Variants in NUDCD2 observed in about 807,000 individuals in gnomAD.
NUDCD2 encodes the protein NudC domain containing 2.
Under a neutral mutation model 20.8 loss-of-function variants are expected in NUDCD2, and 16 were observed. The ratio of observed to expected loss-of-function variants is 0.77; its 90% CI spans 0.52 to 1.17. The LOEUF is 1.17. Among genes scored for constraint, NUDCD2 ranks in the 50% most tolerant of loss-of-function variants. The pLI is 0.00. For synonymous variants in NUDCD2, 87 were observed against 72.8 expected (o/e 1.20, Z -1.00); for missense variants, 199 against 193.9 (o/e 1.03, Z -0.16).
At chr5:163,457,184 T>C (rs1758341412) in intron 2 of NUDCD2, 104 bp from the exon 3 acceptor site, 1 of 1,216,468 alleles carries the variant, frequency 8.2e-7, no homozygotes, top group Admixed American at 3.0e-5. Flanking sequence ...CAGGCTGGAG[T>C]GCAGCGGCTT....
rs573078196 is a variant in NUDCD2 at position 163,447,781 on chromosome 5, G to A, written c.*6186C>T. 1.3e-5 allele frequency: 2 copies of A among 152,112 alleles called. No individual in the cohort carries two copies. The highest frequency in any genetic ancestry group is 2.4e-5 in the African/African-American group (1 of 41,494). The allele number at this position is 152,112 out of a possible 1,614,324, so 9.4% of individuals were successfully genotyped here. A position where few individuals can be genotyped will look rare whatever the true frequency, so the allele number is the denominator to read the frequency against. Reference sequence around the variant, plus strand: ...TTTTTTGACCATAATCTAGAAATCAGTAACAGCAAGAAAATCTCCAAACAC... The same window carrying A: ...TTTTTTGACCATAATCTAGAAATCAATAACAGCAAGAAAATCTCCAAACAC... On this transcript the variant is annotated 3_prime_UTR_variant, in exon 4 of 4. Coordinates refer to ENST00000302764, the MANE Select transcript of NUDCD2 (RefSeq NM_145266.6).
chr5:163,448,523 T>C lies in NUDCD2; in HGVS notation c.*5444A>G, dbSNP rs1372994584. 2.0e-5 allele frequency: 3 copies of C among 152,200 alleles called. No homozygotes were observed. Among genetic ancestry groups the C allele is most frequent in the Non-Finnish European group, 2.9e-5 (2 of 68,016 alleles). 9.4% of individuals were successfully genotyped at this position (152,200 alleles called of 1,614,324 possible). A position where few individuals can be genotyped will look rare whatever the true frequency, so the allele number is the denominator to read the frequency against. ...TTCTCTATTTTTAAAAATTGAACCA[T>C]TGTTTAAAACCTTACTAGCAAATTC... On this transcript the variant is annotated 3_prime_UTR_variant, in exon 4 of 4. Coordinates refer to ENST00000302764, the MANE Select transcript of NUDCD2 (RefSeq NM_145266.6).
rs1464312053 is a variant in NUDCD2 at position 163,451,613 on chromosome 5, C to T, written c.*2354G>A. The T allele has an allele frequency of 2.0e-5, 3 of 152,074 alleles. No individual in the cohort carries two copies. Among genetic ancestry groups the T allele is most frequent in the African/African-American group, 7.2e-5 (3 of 41,410 alleles). 9.4% of individuals were successfully genotyped at this position (152,074 alleles called of 1,614,324 possible). A position where few individuals can be genotyped will look rare whatever the true frequency, so the allele number is the denominator to read the frequency against. ...CCCGACAATTCATTCCTAAAATGAG[C>T]AAGATAGGAATCACAGGGTGAATGG... On this transcript the variant is annotated 3_prime_UTR_variant, in exon 4 of 4. Transcript: ENST00000302764.
Position 163,453,955 on chromosome 5 carries a change from GA to G in NUDCD2, c.*11del. ...ATCTGCTAGGATCCACAGAATGCAG[GA>G]AAAAAAGCAGTTATTTCTCAAGGTT... On this transcript the variant is annotated 3_prime_UTR_variant, in exon 4 of 4. Coordinates refer to ENST00000302764, the MANE Select transcript of NUDCD2 (RefSeq NM_145266.6). 5.5e-6 allele frequency: 8 copies of G among 1,466,580 alleles called. No individual in the cohort carries two copies. The highest frequency in any genetic ancestry group is 2.4e-5 in the East Asian group (1 of 41,558). The allele number at this position is 1,466,580 out of a possible 1,614,324, so 90.8% of individuals were successfully genotyped here. A position where few individuals can be genotyped will look rare whatever the true frequency, so the allele number is the denominator to read the frequency against.
chr5:163,459,502 T>C (rs1758417116), intron 1 of NUDCD2: 1 of 156,658 alleles, frequency 6.4e-6, no homozygotes, highest in East Asian at 1.9e-4. Flanking sequence ...TACAGGAGCT[T>C]AACCTCTCCA....
chr5:163,459,214 C>A (rs974058840), intron 1 of NUDCD2: 4 of 152,180 alleles, frequency 2.6e-5, no homozygotes, highest in African/African-American at 9.7e-5. Flanking sequence ...AGAACTAAAT[C>A]TAATTTCAAC....
At chr5:163,455,583 G>T (rs1758281995) in intron 3 of NUDCD2, among the ~76,000 whole-genome samples, 1 of 152,180 alleles carries the variant, frequency 6.6e-6, no homozygotes, top group South Asian at 2.1e-4. Flanking sequence ...CCAACACGGT[G>T]AAACCCCACC....
At position 163,459,845 on chromosome 5, in the gene NUDCD2, C is replaced by T; in HGVS notation, c.189+17G>A. 6.3e-7 allele frequency: 1 copy of T among 1,583,680 alleles called. No homozygotes were observed. The highest frequency in any genetic ancestry group is 1.2e-5 in the South Asian group (1 of 86,466). ...CTGGGAAGAGGAAACTGAACACAAG[C>T]CCCGAGCTGCCGCTACCTTGAGGAT... On this transcript the variant is annotated intron_variant, in intron 1 of 3. Transcript: ENST00000302764.
intron 1 of NUDCD2, chr5:163,459,436 C>A (rs534442170): frequency 6.6e-6 from 1 of 152,286 alleles, no homozygotes; most frequent in East Asian, 1.9e-4. Context: ...GTTATTCTAT[C>A]CCTATTTTCT....
chr5:163,454,513 G>T (rs1040375869), intron 3 of NUDCD2, among the ~76,000 whole-genome samples: 4 of 151,974 alleles, frequency 2.6e-5, no homozygotes, highest in Admixed American at 2.6e-4. Context: ...GGCTAATTTT[G>T]TATTTTTAGT....
chr5:163,450,413 T>C lies in NUDCD2; in HGVS notation c.*3554A>G. On this transcript the variant is annotated 3_prime_UTR_variant, in exon 4 of 4. Transcript: ENST00000302764. ...CACTATCAACAAAGTAAAGAGAGAA[T>C]AGGAGAAATTACAAATCATATACCT... 6.6e-6 allele frequency: 1 copy of C among 152,070 alleles called. No individual in the cohort carries two copies. Among genetic ancestry groups the C allele is most frequent in the Admixed American group, 6.6e-5 (1 of 15,258 alleles). 9.4% of individuals were successfully genotyped at this position (152,070 alleles called of 1,614,324 possible).
chr5:163,457,686 A>G, intron 1 of NUDCD2, 76 bp from the exon 2 acceptor site: 1 of 929,260 alleles, frequency 1.1e-6, no homozygotes, highest in East Asian at 2.4e-5. Flanking sequence ...AGATTTACCT[A>G]CTTTCCTACC....
At chr5:163,455,449 T>C (rs1277187025) in intron 3 of NUDCD2, among the ~76,000 whole-genome samples, 2 of 152,108 alleles carry the variant, frequency 1.3e-5, no homozygotes, top group Admixed American at 6.5e-5. Flanking sequence ...AGTGGCATGA[T>C]GTGACTTGGA....
At position 163,452,214 on chromosome 5, in the gene NUDCD2, A is replaced by G. The variant is rs919560098; in HGVS notation, c.*1753T>C. 1 of 152,256 alleles carries G rather than the reference A, an allele frequency of 6.6e-6. No individual in the cohort carries two copies. Among genetic ancestry groups the G allele is most frequent in the Admixed American group, 6.5e-5 (1 of 15,286 alleles). The allele number at this position is 152,256 out of a possible 1,614,324, so 9.4% of individuals were successfully genotyped here. On this transcript the variant is annotated 3_prime_UTR_variant, in exon 4 of 4. Coordinates refer to ENST00000302764, the MANE Select transcript of NUDCD2 (RefSeq NM_145266.6). Reference sequence around the variant, plus strand: ...TCAATATACATAGATGCAGAAATATAGATGTAAAGACATGCATTATATATA... The same window carrying G: ...TCAATATACATAGATGCAGAAATATGGATGTAAAGACATGCATTATATATA...
chr5:163,458,129 C>T (rs1758373084), intron 1 of NUDCD2, among the ~76,000 whole-genome samples: 1 of 151,496 alleles, frequency 6.6e-6, no homozygotes, highest in Admixed American at 6.6e-5. Flanking sequence ...ACTACAGGCG[C>T]CCGCCACCAC....
At position 163,447,517 on chromosome 5, in the gene NUDCD2, G is replaced by C. The variant is rs1227315609; in HGVS notation, c.*6450C>G. 6.6e-6 allele frequency: 1 copy of C among 150,782 alleles called. No individual in the cohort carries two copies. The highest frequency in any genetic ancestry group is 2.4e-5 in the African/African-American group (1 of 41,104). The allele number at this position is 150,782 out of a possible 1,614,324, so 9.3% of individuals were successfully genotyped here. A position where few individuals can be genotyped will look rare whatever the true frequency, so the allele number is the denominator to read the frequency against. On this transcript the variant is annotated 3_prime_UTR_variant, in exon 4 of 4. Coordinates refer to ENST00000302764, the MANE Select transcript of NUDCD2 (RefSeq NM_145266.6). ...AGGACTGGACAAATCTTCATTTACAGTTGGAAACTTAAACATTCCTCTCTC... is the reference window on the plus strand; with the variant it reads ...AGGACTGGACAAATCTTCATTTACACTTGGAAACTTAAACATTCCTCTCTC...
chr5:163,459,110 G>T (rs890929249), intron 1 of NUDCD2: 3 of 152,166 alleles, frequency 2.0e-5, no homozygotes, highest in Non-Finnish European at 2.9e-5. Flanking sequence ...TAGAGACACT[G>T]AACAATCTCT....
rs116753332 is a variant in NUDCD2, at chr5:163,448,377, G to T, written c.*5590C>A. ...CTTAGGAATCAAAGAAAAGATAACAGTATAGATCCTCATTAGAACGACACA... is the reference window on the plus strand; with the variant it reads ...CTTAGGAATCAAAGAAAAGATAACATTATAGATCCTCATTAGAACGACACA... On this transcript the variant is annotated 3_prime_UTR_variant, in exon 4 of 4. Coordinates refer to ENST00000302764, the MANE Select transcript of NUDCD2 (RefSeq NM_145266.6). The T allele has an allele frequency of 4.3e-4, 66 of 152,144 alleles. No individual in the cohort carries two copies. The highest frequency in any genetic ancestry group is 1.6e-3 in the African/African-American group (65 of 41,508). The allele number at this position is 152,144 out of a possible 1,614,324, so 9.4% of individuals were successfully genotyped here.
At chr5:163,454,853 AAAC>A (rs150875652) in intron 3 of NUDCD2, among the ~76,000 whole-genome samples, 5,183 of 152,268 alleles carry the variant, frequency 0.034, 262 homozygotes, top group African/African-American at 0.12. Context: ...GAGTGAAAAA[AAAC>A]AAAAATCCCT....
Sources: gnomAD v4.1 joint callset for allele counts (sites outside exome capture counted in the v4.1 genomes callset) on GRCh38, gnomAD v4.1.1 for gene constraint, MANE v1.5 for transcripts, NCBI Gene and HGNC (gene_info 2026-07-23, HGNC 2026-07-21) for gene names.